Variants in GRIK2 observed in about 807,000 individuals in gnomAD.
GRIK2 encodes the protein glutamate ionotropic receptor kainate type subunit 2.
In GRIK2, 32 loss-of-function variants were observed where a neutral mutation model predicts 100.3. The observed-to-expected ratio is 0.32, with a 90% confidence interval of 0.24 to 0.43. The LOEUF is 0.43. GRIK2 is among the 20% of genes least tolerant of loss of function. The pLI is 1.00. For missense variants in GRIK2, 843 were observed against 1,114.9 expected, an observed-to-expected ratio of 0.76 and a Z score of 3.47; for synonymous variants, 417 against 389.4, an observed-to-expected ratio of 1.07 and a Z score of -0.83.
chr6:101,824,776 C>G (rs1782205568), intron 10 of GRIK2, among the ~76,000 whole-genome samples: 1 of 152,114 alleles, frequency 6.6e-6, no homozygotes, highest in Non-Finnish European at 1.5e-5. Flanking sequence ...TTTCCCAGTA[C>G]TTTGTGGAAG....
At chr6:101,681,504 G>A (rs375939431) in intron 5 of GRIK2, among the ~76,000 whole-genome samples, 15 of 150,328 alleles carry the variant, frequency 1.0e-4, no homozygotes, top group African/African-American at 3.7e-4. Flanking sequence ...CGAAGTCCAG[G>A]GATTACAGGT....
chr6:101,895,579 A>T (rs1355711717), intron 12 of GRIK2, among the ~76,000 whole-genome samples: 1 of 151,768 alleles, frequency 6.6e-6, no homozygotes, highest in African/African-American at 2.4e-5. Flanking sequence ...ATTATTATGC[A>T]CTTAAAAATA....
intron 7 of GRIK2, among the ~76,000 whole-genome samples, chr6:101,774,690 G>A (rs1448863639): frequency 6.6e-6 from 1 of 152,112 alleles, no homozygotes; most frequent in African/African-American, 2.4e-5. Flanking sequence ...CTGCTTCACA[G>A]CTGTCCTTTA....
At chr6:101,409,577 C>T (rs774483450) in intron 2 of GRIK2, among the ~76,000 whole-genome samples, 3 of 151,606 alleles carry the variant, frequency 2.0e-5, no homozygotes, top group Non-Finnish European at 2.9e-5. Context: ...GATGTTAGAC[C>T]GTGAATTTAG....
At chr6:102,019,652 A>T (rs1310621349) in intron 14 of GRIK2, among the ~76,000 whole-genome samples, 1 of 151,962 alleles carries the variant, frequency 6.6e-6, no homozygotes, top group African/African-American at 2.4e-5. Context: ...TCAGTTTATC[A>T]CTTTTCAACC....
At chr6:101,753,664 CAAAA>C (rs568788273) in intron 7 of GRIK2, among the ~76,000 whole-genome samples, 9 of 150,046 alleles carry the variant, frequency 6.0e-5, no homozygotes, top group East Asian at 1.9e-4. Context: ...ATTAATATGA[CAAAA>C]AAAGAAAAAA....
intron 2 of GRIK2, among the ~76,000 whole-genome samples, chr6:101,598,853 A>C (rs1779057513): frequency 6.6e-6 from 1 of 151,494 alleles, no homozygotes; most frequent in African/African-American, 2.4e-5. Context: ...TGATCATCAT[A>C]ATTTTATGTT....
At chr6:102,023,025 T>C (rs1769512715) in intron 14 of GRIK2, among the ~76,000 whole-genome samples, 1 of 151,470 alleles carries the variant, frequency 6.6e-6, no homozygotes, top group Admixed American at 6.6e-5. Flanking sequence ...TGTTAGAGTG[T>C]TGCAAGAATG....
At chr6:101,523,720 C>CTTTTCTTTTT (rs1775001702) in intron 2 of GRIK2, among the ~76,000 whole-genome samples, 1 of 121,546 alleles carries the variant, frequency 8.2e-6, no homozygotes, top group Non-Finnish European at 1.7e-5. Flanking sequence ...ACTCCTAAGT[C>CTTTTCTTTTT]TTTTTTTTTT....
Position 101,873,666 on chromosome 6 carries a change from G to T in GRIK2, c.1524+14173G>T, listed in dbSNP as rs909590909. ...TCTAGTTCTAGATCCTTGAGGAATT[G>T]CCACACTGTCTTCCACAATGGTTGA... On this transcript the variant is annotated intron_variant, in intron 11 of 16. Transcript: ENST00000369134. Among the ~76,000 whole-genome samples, 128 of 152,036 alleles carry T rather than the reference G, an allele frequency of 8.4e-4. 3 individuals carry two copies. In the South Asian group the frequency reaches 0.026, roughly 31 times the overall value.
At chr6:101,801,877 C>T (rs951448344) in intron 8 of GRIK2, among the ~76,000 whole-genome samples, 4 of 151,856 alleles carry the variant, frequency 2.6e-5, no homozygotes, top group Admixed American at 2.0e-4. Context: ...GTTAGTATAA[C>T]ATAGCTTTTC....
chr6:101,946,508 A>G (rs976904855), intron 14 of GRIK2, among the ~76,000 whole-genome samples: 2 of 135,058 alleles, frequency 1.5e-5, no homozygotes, highest in South Asian at 5.2e-4. Flanking sequence ...TTAGTCTTGG[A>G]TTGCTGTTGA....
In GRIK2 at chr6:101,816,864, G is replaced by A. The variant is rs13201453; in HGVS notation, c.1204-1506G>A. 4.0e-3 allele frequency among the ~76,000 whole-genome samples: 610 copies of A among 152,224 alleles called. 3 individuals carry two copies. Among genetic ancestry groups the A allele is most frequent in the Admixed American group, 6.3e-3 (97 of 15,278 alleles). ...AACTCAACTAAAGCACCTGCTCTGG[G>A]AACATGCAGCCCCAAGGCACACAGC... On this transcript the variant is annotated intron_variant, in intron 9 of 16. Coordinates refer to ENST00000369134, the MANE Select transcript of GRIK2 (RefSeq NM_021956.5).
chr6:101,849,128 A>C (rs1203990914), intron 10 of GRIK2, among the ~76,000 whole-genome samples: 1 of 152,036 alleles, frequency 6.6e-6, no homozygotes, highest in East Asian at 1.9e-4. Flanking sequence ...TATCTAGTAA[A>C]GCAGACTTTC....
chr6:101,923,647 G>A (rs1057160676), intron 12 of GRIK2, among the ~76,000 whole-genome samples: 1 of 152,052 alleles, frequency 6.6e-6, no homozygotes, highest in Admixed American at 6.6e-5. Flanking sequence ...ATGGCTCGGC[G>A]CGGTGGCTCA....
chr6:101,893,797 G>T (rs541055080), intron 12 of GRIK2, among the ~76,000 whole-genome samples: 1 of 151,590 alleles, frequency 6.6e-6, no homozygotes, highest in African/African-American at 2.4e-5. Context: ...TGTGCCAAAT[G>T]CTTGAATCCC....
chr6:101,931,870 C>T (rs1036061745), intron 14 of GRIK2, among the ~76,000 whole-genome samples: 6 of 151,946 alleles, frequency 3.9e-5, no homozygotes, highest in Admixed American at 3.9e-4. Context: ...TATTAAGAAA[C>T]ATTAAAGGAG....
intron 14 of GRIK2, among the ~76,000 whole-genome samples, chr6:101,999,654 C>T (rs1447143817): frequency 1.3e-5 from 2 of 151,916 alleles, no homozygotes; most frequent in Non-Finnish European, 2.9e-5. Flanking sequence ...TTCCTCTTCC[C>T]CACCAATCCA....
At chr6:101,708,352 CTT>C (rs1491189335) in intron 7 of GRIK2, among the ~76,000 whole-genome samples, 2 of 132,534 alleles carry the variant, frequency 1.5e-5, no homozygotes, top group East Asian at 5.1e-4. Flanking sequence ...TTAAAATTAT[CTT>C]AGTTGCTTTT....
Sources: allele counts gnomAD v4.1 joint callset (sites outside exome capture counted in the v4.1 genomes callset), GRCh38; gene constraint gnomAD v4.1.1; transcripts MANE v1.5; gene names NCBI Gene and HGNC (gene_info 2026-07-23, HGNC 2026-07-21).